Variants in CUX1 observed in about 807,000 individuals in gnomAD.
CUX1 encodes the protein protein CASP.
Under a neutral mutation model 158.8 loss-of-function variants are expected in CUX1, and 31 were observed. That is an observed-to-expected ratio of 0.20 (90% CI 0.15 to 0.26). The LOEUF (loss-of-function observed/expected upper bound fraction) is 0.26. Ranked by LOEUF, CUX1 falls within the 10% of genes least tolerant of loss-of-function variation. The pLI is 1.00. For missense variants in CUX1, 1,589 were observed against 2,014.6 expected, an observed-to-expected ratio of 0.79 and a Z score of 4.04; for synonymous variants, 879 against 862.1, an observed-to-expected ratio of 1.02 and a Z score of -0.34.
chr7:101,980,814 A>C (rs1266050708), intron 2 of CUX1, among the ~76,000 whole-genome samples: 1 of 152,020 alleles, frequency 6.6e-6, no homozygotes, highest in Non-Finnish European at 1.5e-5. Context: ...TGTACCTGGA[A>C]GCCACAGTGC....
At chr7:102,040,053 G>A (rs539351671) in intron 3 of CUX1, among the ~76,000 whole-genome samples, 14 of 152,246 alleles carry the variant, frequency 9.2e-5, no homozygotes, top group Admixed American at 2.0e-4. Flanking sequence ...CAACCTTTTC[G>A]GGAGCCTCCT....
intron 14 of CUX1, among the ~76,000 whole-genome samples, chr7:102,267,962 G>A (rs531356187): frequency 2.1e-4 from 32 of 152,116 alleles, no homozygotes; most frequent in African/African-American, 6.5e-4. Flanking sequence ...CCACTGCACC[G>A]GGCCCTCCTG....
At chr7:102,049,822 C>T (rs564065896) in intron 3 of CUX1, among the ~76,000 whole-genome samples, 1 of 152,232 alleles carries the variant, frequency 6.6e-6, no homozygotes, top group South Asian at 2.1e-4. Context: ...TTCAGGGAGC[C>T]CCTTGATGTT....
Position 102,248,658 on chromosome 7 carries a change from G to T in CUX1, c.4134G>T (p.Ser1378=). The change falls in exon 24 of 24, where the codon TCG becomes TCT. Residue 1378 remains serine (S), a synonymous_variant. Transcript: ENST00000292535. This position sits in a 1 kb window ranked among gnomAD's most constrained non-coding sequence, Gnocchi z 5.8. ...RPAEQTEPPP[S]GTPGPDDARD... ...CGGAGCAGACGGAGCCGCCGCCCTC[G>T]GGGACCCCGGGCCCGGACGACGCCC... The T allele has an allele frequency of 7.4e-7, 1 of 1,352,768 alleles. No individual in the cohort carries two copies. Among genetic ancestry groups the T allele is most frequent in the Non-Finnish European group, 9.5e-7 (1 of 1,054,484 alleles). 83.8% of individuals were successfully genotyped at this position (1,352,768 alleles called of 1,614,324 possible). A position where few individuals can be genotyped will look rare whatever the true frequency, so the allele number is the denominator to read the frequency against.
chr7:101,976,333 G>GT (rs1812674074), intron 2 of CUX1, among the ~76,000 whole-genome samples: 1 of 152,076 alleles, frequency 6.6e-6, no homozygotes, highest in African/African-American at 2.4e-5. Context: ...TAAGGGATCT[G>GT]TTTTTTCCCC....
chr7:101,940,982 T>A (rs1397182218), intron 2 of CUX1, among the ~76,000 whole-genome samples: 2 of 152,196 alleles, frequency 1.3e-5, no homozygotes, highest in Non-Finnish European at 2.9e-5. Flanking sequence ...ATTTCTCTTG[T>A]AGTGAAGAGC....
intron 11 of CUX1, among the ~76,000 whole-genome samples, chr7:102,183,255 C>T (rs1488634124): frequency 6.6e-6 from 1 of 152,192 alleles, no homozygotes; most frequent in South Asian, 2.1e-4. Flanking sequence ...CTCAGGTCAT[C>T]TGCCCGCCTC....
chr7:102,231,772 G>A (rs1246595248), intron 21 of CUX1, among the ~76,000 whole-genome samples: 1 of 147,580 alleles, frequency 6.8e-6, no homozygotes, highest in African/African-American at 2.5e-5. Flanking sequence ...GGAGTGCAGT[G>A]GCACGATCTC....
chr7:102,022,689 T>C (rs909770639), intron 2 of CUX1, among the ~76,000 whole-genome samples: 1 of 152,176 alleles, frequency 6.6e-6, no homozygotes, highest in Middle Eastern at 3.4e-3. Context: ...GTAAACATCA[T>C]TTATTTGCTG....
chr7:102,052,088 G>T (rs962156721), intron 3 of CUX1, among the ~76,000 whole-genome samples: 2 of 152,094 alleles, frequency 1.3e-5, no homozygotes, highest in African/African-American at 2.4e-5. Flanking sequence ...AAGCGTGGTG[G>T]TGGGCGCCTG....
rs869202667 is a variant in CUX1, at chr7:102,073,165, CTTTTTTTT to C, written c.268+2765_268+2772del. The stretch of plus-strand genomic sequence containing the variant: ...AAATAATATGTAATCTCTTTTCTTT[CTTTTTTTT>C]TTTTTTTTTTTTTTTTCTGAGACAG... On this transcript the variant is annotated intron_variant, in intron 4 of 23. Transcript: ENST00000292535. Among the ~76,000 whole-genome samples the C allele has an allele frequency of 1.8e-4, 12 of 66,884 alleles. 1 individual carries two copies. The highest frequency in any genetic ancestry group is 1.4e-3 in the South Asian group (2 of 1,480). The allele number at this position is 66,884 out of a possible 152,430, so 43.9% of individuals were successfully genotyped here.
At chr7:102,039,729 C>T (rs1268238956) in intron 3 of CUX1, among the ~76,000 whole-genome samples, 2 of 152,144 alleles carry the variant, frequency 1.3e-5, no homozygotes, top group East Asian at 1.9e-4. Context: ...GCCTGAAGCC[C>T]CCTTCCCTTC....
At chr7:102,023,765 G>A (rs1237202005) in intron 2 of CUX1, among the ~76,000 whole-genome samples, 2 of 152,336 alleles carry the variant, frequency 1.3e-5, no homozygotes, top group South Asian at 2.1e-4. Context: ...GCAGCTTGAA[G>A]TACATATATA....
rs1489728127 is a variant in CUX1 at position 102,201,214 on chromosome 7, C to T, written c.2063-146C>T. The T allele has an allele frequency of 8.1e-7, 1 of 1,235,454 alleles. No homozygotes were observed. The highest frequency in any genetic ancestry group is 1.1e-6 in the Non-Finnish European group (1 of 890,180). The allele number at this position is 1,235,454 out of a possible 1,614,324, so 76.5% of individuals were successfully genotyped here. On this transcript the variant is annotated intron_variant, in intron 17 of 23. Coordinates refer to ENST00000292535, the MANE Select transcript of CUX1 (RefSeq NM_181552.4). The surrounding 1 kb of genome is among the most constrained non-coding windows in gnomAD (Gnocchi z 5.0). ...GTTGAGACAAGATGCCTGAATGTTTCACTGACAGGGGCCATGCTGGGGAAA... is the reference window on the plus strand; with the variant it reads ...GTTGAGACAAGATGCCTGAATGTTTTACTGACAGGGGCCATGCTGGGGAAA...
chr7:102,092,377 T>TA lies in CUX1; in HGVS notation c.269-4986dup, dbSNP rs373511319. On this transcript the variant is annotated intron_variant, in intron 4 of 23. Coordinates refer to ENST00000292535, the MANE Select transcript of CUX1 (RefSeq NM_181552.4). The stretch of plus-strand genomic sequence containing the variant: ...GGTGAATCCTTGCGCTGCCTGGCAT[T>TA]ACCATCCAGATCTTCATCCCCACTC... Among the ~76,000 whole-genome samples the TA allele has an allele frequency of 1.1e-4, 17 of 152,230 alleles. No homozygotes were observed. In the East Asian group the frequency reaches 3.3e-3, roughly 30 times the overall value.
At chr7:102,116,798 C>T (rs1831480394) in intron 8 of CUX1, among the ~76,000 whole-genome samples, 1 of 152,188 alleles carries the variant, frequency 6.6e-6, no homozygotes, top group East Asian at 1.9e-4. Context: ...AAGAAACATT[C>T]TTGTCTCCCC....
chr7:101,957,478 TG>T lies in CUX1; in HGVS notation c.141+41256del, dbSNP rs536901782. Among the ~76,000 whole-genome samples the T allele has an allele frequency of 1.2e-3, 190 of 152,316 alleles. 1 individual carries two copies. The highest frequency in any genetic ancestry group is 1.9e-3 in the Non-Finnish European group (128 of 68,030). ...GCTCACGCCTGTAATCCCAGCACTT[TG>T]GGAGGCTGAGGCAGGCAGATCACCT... On this transcript the variant is annotated intron_variant, in intron 2 of 23. Transcript: ENST00000292535.
intron 14 of CUX1, chr7:102,265,023 G>A (rs1168688243): frequency 6.6e-6 from 1 of 152,236 alleles, no homozygotes; most frequent in Admixed American, 6.5e-5. Flanking sequence ...CCAGTGGAAA[G>A]AATTGTCTCC....
intron 2 of CUX1, among the ~76,000 whole-genome samples, chr7:101,942,885 C>T (rs964418055): frequency 6.6e-6 from 1 of 152,164 alleles, no homozygotes; most frequent in African/African-American, 2.4e-5. Flanking sequence ...CGGACCTGGG[C>T]CCAGATCTTG....
Sources: gnomAD v4.1 joint callset for allele counts (sites outside exome capture counted in the v4.1 genomes callset) on GRCh38, gnomAD v4.1.1 for gene constraint, Gnocchi (gnomAD v3.1) non-coding constraint, MANE v1.5 for transcripts, NCBI Gene and HGNC (gene_info 2026-07-23, HGNC 2026-07-21) for gene names.